LRP11: variants seen among roughly 807,000 people sequenced by gnomAD.
LRP11 encodes the protein low-density lipoprotein receptor-related protein 11.
In LRP11, 25 loss-of-function variants were observed where a neutral mutation model predicts 43.1. The observed-to-expected ratio is 0.58, with a 90% CI of 0.42 to 0.81. LRP11 has a LOEUF of 0.81. LRP11 is among the 30% of genes least tolerant of loss of function. The probability of loss-of-function intolerance (pLI) is 0.00; values close to 1 mark genes in which losing one functional copy is unlikely to be tolerated. For missense variants in LRP11, 623 were observed against 665.1 expected (o/e 0.94, Z 0.70); for synonymous variants, 316 against 299.4 (o/e 1.06, Z -0.57).
At position 149,820,490 on chromosome 6, in the gene LRP11, A is replaced by G; in HGVS notation, c.*59T>C. 4.2e-6 allele frequency: 3 copies of G among 719,434 alleles called. No homozygotes were observed. Among genetic ancestry groups the G allele is most frequent in the Non-Finnish European group, 7.7e-6 (3 of 388,556 alleles). The allele number at this position is 719,434 out of a possible 1,614,324, so 44.6% of individuals were successfully genotyped here. The stretch of plus-strand genomic sequence containing the variant: ...AGAAGCTGTAAATATCCAGAACTTA[A>G]TAGATGTATAAATTATAAACAAAAC... On this transcript the variant is annotated 3_prime_UTR_variant, in exon 7 of 7. Transcript: ENST00000239367.
chr6:149,847,806 T>A (rs1434221664), intron 2 of LRP11, among the ~76,000 whole-genome samples: 1 of 145,604 alleles, frequency 6.9e-6, no homozygotes, highest in East Asian at 2.0e-4. Flanking sequence ...GGGCTTCTCA[T>A]ATATGTCTAA....
At chr6:149,863,367 G>C (rs374706154) in intron 1 of LRP11, 41 bp downstream of exon 1, 17 of 1,310,130 alleles carry the variant, frequency 1.3e-5, no homozygotes, top group African/African-American at 4.6e-5. Context: ...TGCGGGTCTC[G>C]AGCGCTCTGG....
chr6:149,828,534 G>A (rs910989745), intron 5 of LRP11, among the ~76,000 whole-genome samples: 3 of 151,428 alleles, frequency 2.0e-5, no homozygotes, highest in Non-Finnish European at 2.9e-5. Context: ...TGTTGCCCAG[G>A]CTAGAGTGCA....
At chr6:149,831,064 T>C (rs1776402270) in intron 5 of LRP11, among the ~76,000 whole-genome samples, 1 of 152,212 alleles carries the variant, frequency 6.6e-6, no homozygotes, top group Non-Finnish European at 1.5e-5. Context: ...AACAAAACAA[T>C]GACATCACTT....
chr6:149,845,641 A>G (rs897678182), intron 2 of LRP11, among the ~76,000 whole-genome samples: 1 of 152,200 alleles, frequency 6.6e-6, no homozygotes, highest in Admixed American at 6.5e-5. Flanking sequence ...ACTTCCAAAG[A>G]GCCTGGAGTG....
At chr6:149,828,167 G>A (rs903190234) in intron 5 of LRP11, among the ~76,000 whole-genome samples, 10 of 151,918 alleles carry the variant, frequency 6.6e-5, no homozygotes, top group South Asian at 4.2e-4. Context: ...CTCCAACCTG[G>A]GCAACAGAGA....
intron 5 of LRP11, among the ~76,000 whole-genome samples, chr6:149,834,024 C>G (rs906170751): frequency 5.9e-5 from 9 of 152,146 alleles, no homozygotes; most frequent in African/African-American, 1.9e-4. Flanking sequence ...TCCCCCTCCC[C>G]CTACCTCCCA....
chr6:149,835,636 C>T (rs2115383282), intron 5 of LRP11, among the ~76,000 whole-genome samples: 1 of 152,124 alleles, frequency 6.6e-6, no homozygotes, highest in South Asian at 2.1e-4. Context: ...TCTCATTAGC[C>T]TTACTTTTTT....
chr6:149,841,303 C>T (rs1776543443), intron 3 of LRP11, among the ~76,000 whole-genome samples: 1 of 152,138 alleles, frequency 6.6e-6, no homozygotes, highest in South Asian at 2.1e-4. Flanking sequence ...GGCTTAATTA[C>T]CATCTGGATC....
At chr6:149,825,847 C>A (rs778723475) in intron 6 of LRP11, among the ~76,000 whole-genome samples, 1 of 152,146 alleles carries the variant, frequency 6.6e-6, no homozygotes. Context: ...CAGGATTTTG[C>A]CATATTGCCC....
Position 149,864,256 on chromosome 6 carries a change from C to T in LRP11, c.-236G>A. ...GCCGGGCACCGCTCCTTGCCCTCGC[C>T]GGAGACTGCCCAGCGCCCTGCGCCT... On this transcript the variant is annotated 5_prime_UTR_variant, in exon 1 of 7. Transcript: ENST00000239367. The T allele has an allele frequency of 9.3e-7, 1 of 1,077,594 alleles. No individual in the cohort carries two copies. The highest frequency in any genetic ancestry group is 1.1e-6 in the Non-Finnish European group (1 of 891,042). The allele number at this position is 1,077,594 out of a possible 1,614,324, so 66.8% of individuals were successfully genotyped here.
Position 149,859,401 on chromosome 6 carries a change from T to A in LRP11, c.613+4007A>T, listed in dbSNP as rs867381887. ...TCATATATATATATATATATATTTT[T>A]TTTTTTTTTTTTTTGACCGAGTCTT... On this transcript the variant is annotated intron_variant, in intron 1 of 6. Coordinates refer to ENST00000239367, the MANE Select transcript of LRP11 (RefSeq NM_032832.6). 7.5e-3 allele frequency among the ~76,000 whole-genome samples: 898 copies of A among 119,414 alleles called. 10 individuals are homozygous for A. The highest frequency in any genetic ancestry group is 0.016 in the South Asian group (52 of 3,286). The allele number at this position is 119,414 out of a possible 152,430, so 78.3% of individuals were successfully genotyped here. A position where few individuals can be genotyped will look rare whatever the true frequency, so the allele number is the denominator to read the frequency against.
intron 5 of LRP11, among the ~76,000 whole-genome samples, chr6:149,830,790 G>GT (rs1776399069): frequency 6.6e-6 from 1 of 152,192 alleles, no homozygotes; most frequent in Non-Finnish European, 1.5e-5. Context: ...GAGGGATCAG[G>GT]TATCAGGCAG....
In LRP11 at chr6:149,853,237, GAATA is replaced by G. The variant is rs547212781; in HGVS notation, c.614-81_614-78del. On this transcript the variant is annotated intron_variant, in intron 1 of 6. Transcript: ENST00000239367. ...TTTATGGAGAGGTATCTTGTTTGCT[GAATA>G]GATATGATTCGGCAAATAACTGCTA... is the stretch of plus-strand genomic sequence containing the variant. 179 of 1,178,820 alleles carry G rather than the reference GAATA, an allele frequency of 1.5e-4. 3 individuals are homozygous for G. In the South Asian group the frequency reaches 2.7e-3, roughly 18 times the overall value. 73.0% of individuals were successfully genotyped at this position (1,178,820 alleles called of 1,614,324 possible). A position where few individuals can be genotyped will look rare whatever the true frequency, so the allele number is the denominator to read the frequency against.
chr6:149,848,829 T>G (rs1776678676), intron 2 of LRP11, among the ~76,000 whole-genome samples: 2 of 152,068 alleles, frequency 1.3e-5, no homozygotes, highest in Non-Finnish European at 2.9e-5. Context: ...ACCAAGCCCC[T>G]AAGTCATAAG....
intron 6 of LRP11, chr6:149,826,003 A>G: frequency 2.3e-6 from 1 of 443,318 alleles, no homozygotes; most frequent in South Asian, 3.3e-5. Context: ...TTCTCCCACC[A>G]TGCCACAAGT....
chr6:149,841,121 G>C (rs1211467241), intron 3 of LRP11, among the ~76,000 whole-genome samples: 1 of 152,138 alleles, frequency 6.6e-6, no homozygotes. Flanking sequence ...TGCCGCCTAT[G>C]AAAATTATCA....
chr6:149,863,364 C>A, intron 1 of LRP11, 44 bp downstream of exon 1: 1 of 1,309,398 alleles, frequency 7.6e-7, no homozygotes. Context: ...CGCTGCGGGT[C>A]TCGAGCGCTC....
intron 2 of LRP11, among the ~76,000 whole-genome samples, chr6:149,847,913 CCTGT>C (rs765712676): frequency 3.4e-5 from 5 of 147,728 alleles, no homozygotes; most frequent in South Asian, 2.2e-4. Flanking sequence ...CTTAGTAATA[CCTGT>C]CTATTTAAAA....
Sources: allele counts gnomAD v4.1 joint callset (sites outside exome capture counted in the v4.1 genomes callset), GRCh38; gene constraint gnomAD v4.1.1; transcripts MANE v1.5; gene names NCBI Gene and HGNC (gene_info 2026-07-23, HGNC 2026-07-21).